Variants in PLAC1 observed in about 807,000 individuals in gnomAD.
PLAC1 encodes the protein placenta associated 1, also known as placenta-specific protein 1.
For synonymous variants in PLAC1, 68 were observed against 62.1 expected, an observed-to-expected ratio of 1.09 and a Z score of -0.44; for missense variants, 136 against 163.2, an observed-to-expected ratio of 0.83 and a Z score of 0.91.
intron 1 of PLAC1, among the ~76,000 whole-genome samples, chrX:134,639,983 G>A (rs1174584262): frequency 8.9e-6 from 1 of 111,811 alleles, no homozygotes; most frequent in Non-Finnish European, 1.9e-5. Context: ...CCATGTGATG[G>A]ATGCTTGGGT....
At chrX:134,603,290 T>C (rs1602826343) in intron 1 of PLAC1, among the ~76,000 whole-genome samples, 1 of 2,705 alleles carries the variant, frequency 3.7e-4, no homozygotes, top group Admixed American at 3.0e-3. Flanking sequence ...TATATATATA[T>C]ATATATATAT....
In PLAC1 at chrX:134,706,944, C is replaced by A. The variant is rs2078606549; in HGVS notation, n.174+26491G>T. 1.2e-4 allele frequency among the ~76,000 whole-genome samples: 13 copies of A among 111,837 alleles called. No homozygotes were observed. In the Admixed American group the frequency reaches 1.2e-3, roughly 11 times the overall value. ...AGGGATCCGTGGCACTATAACAAAG[C>A]ATTTATGTCATCAAAGTCACAGAAG... is the stretch of plus-strand genomic sequence containing the variant. On this transcript the variant is annotated intron_variant and non_coding_transcript_variant, in intron 2 of 2. Coordinates refer to the PLAC1 transcript ENST00000466797.
chrX:134,743,889 G>A lies in PLAC1; in HGVS notation n.90-10370C>T, dbSNP rs766460104. Among the ~76,000 whole-genome samples the A allele has an allele frequency of 5.3e-5, 6 of 112,490 alleles. No individual in the cohort carries two copies. The East Asian group carries it at 1.4e-3, about 26-fold the overall frequency. ...GTTGTGACGAAAGTTTTTGGTAACC[G>A]AACGTGAATACTGAATAAGGACATC... On this transcript the variant is annotated intron_variant and non_coding_transcript_variant, in intron 1 of 2. Coordinates refer to the PLAC1 transcript ENST00000466797.
intron 1 of PLAC1, among the ~76,000 whole-genome samples, chrX:134,638,782 A>T (rs761807983): frequency 3.6e-5 from 4 of 111,239 alleles, no homozygotes; most frequent in Non-Finnish European, 7.5e-5. Context: ...AAAAGCAAAC[A>T]AACAAAACCT....
At chrX:134,733,406 A>G (rs2078694531) in intron 2 of PLAC1, 1 of 111,403 alleles carries the variant, frequency 9.0e-6, no homozygotes, top group African/African-American at 3.3e-5. Flanking sequence ...TACACACAGA[A>G]ATCACAGGAA....
At chrX:134,573,735 A>G (rs1001980531) in intron 2 of PLAC1, among the ~76,000 whole-genome samples, 6 of 111,527 alleles carry the variant, frequency 5.4e-5, no homozygotes, top group Non-Finnish European at 1.1e-4. Flanking sequence ...CCTAAGTCCA[A>G]AATAAACCAC....
Position 134,708,138 on chromosome X carries a change from C to T in PLAC1, n.174+25297G>A, listed in dbSNP as rs374285360. On this transcript the variant is annotated intron_variant and non_coding_transcript_variant, in intron 2 of 2. Transcript: ENST00000466797. ...ACCAAAACGTCCCTCAACAAGTGAA[C>T]GGGTTCGACCAACTATGGTACATCC... 5.4e-5 allele frequency among the ~76,000 whole-genome samples: 6 copies of T among 112,016 alleles called. No homozygotes were observed. The East Asian group carries it at 8.3e-4, about 16-fold the overall frequency.
At chrX:134,577,515 C>T (rs1356668184) in intron 2 of PLAC1, among the ~76,000 whole-genome samples, 1 of 111,383 alleles carries the variant, frequency 9.0e-6, no homozygotes, top group Non-Finnish European at 1.9e-5. Context: ...ATGGTGAAGC[C>T]CCGTCTCCAC....
At chrX:134,721,692 G>A (rs778849632) in intron 2 of PLAC1, among the ~76,000 whole-genome samples, 2 of 107,917 alleles carry the variant, frequency 1.9e-5, no homozygotes, top group Admixed American at 9.9e-5. Context: ...ATGAAACCCC[G>A]TCTCTACTAA....
At chrX:134,698,401 C>T (rs2147825785) in intron 2 of PLAC1, among the ~76,000 whole-genome samples, 1 of 110,808 alleles carries the variant, frequency 9.0e-6, no homozygotes, top group South Asian at 3.8e-4. Flanking sequence ...TGCAGTGAGC[C>T]GAGATAGTGC....
At chrX:134,645,164 G>A (rs1449834659) in intron 1 of PLAC1, among the ~76,000 whole-genome samples, 2 of 111,108 alleles carry the variant, frequency 1.8e-5, no homozygotes, top group Non-Finnish European at 3.8e-5. Context: ...TTTTAATTCA[G>A]TACCTTTGTT....
At chrX:134,569,074 G>T (rs1602782527) in intron 2 of PLAC1, among the ~76,000 whole-genome samples, 1 of 111,085 alleles carries the variant, frequency 9.0e-6, no homozygotes, top group African/African-American at 3.3e-5. Context: ...GGAAACAACT[G>T]TTTTTGTTCA....
intron 1 of PLAC1, among the ~76,000 whole-genome samples, chrX:134,749,991 C>T (rs1043883400): frequency 9.0e-6 from 1 of 111,121 alleles, no homozygotes; most frequent in East Asian, 2.8e-4. Flanking sequence ...CAAACACCAC[C>T]CAGGCAGAAG....
intron 1 of PLAC1, among the ~76,000 whole-genome samples, chrX:134,610,040 C>T (rs952417210): frequency 9.0e-6 from 1 of 110,856 alleles, no homozygotes. Flanking sequence ...TGCAATGGCG[C>T]AATCTCAGCT....
chrX:134,708,790 G>A (rs766295167), intron 2 of PLAC1, among the ~76,000 whole-genome samples: 2 of 111,117 alleles, frequency 1.8e-5, no homozygotes, highest in African/African-American at 3.3e-5. Flanking sequence ...CGCCCACGTC[G>A]GCCTCCCAAA....
chrX:134,603,316 T>TATATATATATATATATATATATATA (rs1569384389), intron 1 of PLAC1, among the ~76,000 whole-genome samples: 1 of 11,409 alleles, frequency 8.8e-5, no homozygotes, highest in African/African-American at 4.0e-4. Context: ...TATATATATT[T>TATATATATATATATATATATATATA]TTTTTTTTTT....
intron 2 of PLAC1, among the ~76,000 whole-genome samples, chrX:134,687,219 C>T (rs757407419): frequency 9.0e-6 from 1 of 111,473 alleles, no homozygotes; most frequent in African/African-American, 3.3e-5. Context: ...AACTTCCTGC[C>T]AAAACAAAAC....
At chrX:134,582,888 T>C (rs775097017) in intron 2 of PLAC1, among the ~76,000 whole-genome samples, 10 of 111,987 alleles carry the variant, frequency 8.9e-5, no homozygotes, top group Admixed American at 8.6e-4. Flanking sequence ...GATAGTCTAG[T>C]AGTTGAGTGG....
intron 1 of PLAC1, among the ~76,000 whole-genome samples, chrX:134,634,328 G>A: frequency 8.9e-6 from 1 of 112,107 alleles, no homozygotes; most frequent in African/African-American, 3.2e-5. Context: ...TCTGAGTTAT[G>A]CCTGGAGGCC....
Sources: gnomAD v4.1 joint callset for allele counts (sites outside exome capture counted in the v4.1 genomes callset) on GRCh38, gnomAD v4.1.1 for gene constraint, MANE v1.5 for transcripts, NCBI Gene and HGNC (gene_info 2026-07-23, HGNC 2026-07-21) for gene names.